ZFPM2: variants seen among roughly 807,000 people sequenced by gnomAD.
ZFPM2 encodes zinc finger protein ZFPM2.
In ZFPM2, 20 loss-of-function variants were observed where a neutral mutation model predicts 98.6. The ratio of observed to expected loss-of-function variants is 0.20; its 90% CI spans 0.14 to 0.29. ZFPM2 has a LOEUF of 0.29. Ranked by LOEUF, ZFPM2 falls within the 10% of genes least tolerant of loss-of-function variation. The pLI, the probability that ZFPM2 is intolerant of heterozygous loss-of-function variation, is 1.00. For missense variants in ZFPM2, 1,310 were observed against 1,388.6 expected (o/e 0.94, Z 0.90); for synonymous variants, 518 against 502.7 (o/e 1.03, Z -0.41).
intron 1 of ZFPM2, among the ~76,000 whole-genome samples, chr8:105,327,996 T>G (rs546885083): frequency 2.6e-4 from 39 of 151,924 alleles, no homozygotes; most frequent in African/African-American, 9.4e-4. Flanking sequence ...GTTTTTTCTT[T>G]TTAATAAAAC....
In ZFPM2 at chr8:105,801,599, A is replaced by G. The variant is rs758116433; in HGVS notation, c.1517A>G (p.Asp506Gly). The G allele has an allele frequency of 6.2e-7, 1 of 1,613,744 alleles. No individual in the cohort carries two copies. Reference sequence around the variant, plus strand: ...CTATCTCAGTTTTCTTTCCCCCAAGATATCACCATGGTCCCTCAAGCTTCA... The same window carrying G: ...CTATCTCAGTTTTCTTTCCCCCAAGGTATCACCATGGTCCCTCAAGCTTCA... Reference protein sequence around the residue: ...PFLSQFSFPQDITMVPQASEI... With the variant: ...PFLSQFSFPQGITMVPQASEI... The change falls in exon 8 of 8, where the codon GAT (aspartate) becomes GGT (glycine). Residue 506 changes from aspartate to glycine, a missense_variant. By Grantham distance (94) the Asp-to-Gly change is moderately conservative. Coordinates refer to ENST00000407775, the MANE Select transcript of ZFPM2 (RefSeq NM_012082.4).
intron 3 of ZFPM2, among the ~76,000 whole-genome samples, chr8:105,527,295 G>T (rs1440183287): frequency 6.6e-6 from 1 of 152,124 alleles, no homozygotes; most frequent in Non-Finnish European, 1.5e-5. Flanking sequence ...CTCTGCTTTG[G>T]CAAGGACGAC....
Position 105,318,851 on chromosome 8 carries a change from G to GGCA in ZFPM2, c.-89_-88insAGC, listed in dbSNP as rs1811959456. On this transcript the variant is annotated 5_prime_UTR_variant, in exon 1 of 8. Transcript: ENST00000407775. Reference sequence around the variant, plus strand: ...CGGCGGGCCGAGCCTGGCCAGCGGCGGCGGCGGCGGCGGCGGCGGCGGGAG... The same window carrying GGCA: ...CGGCGGGCCGAGCCTGGCCAGCGGCGGCAGCGGCGGCGGCGGCGGCGGCGGGAG... 4.1e-6 allele frequency: 3 copies of GGCA among 737,974 alleles called. No individual in the cohort carries two copies. Among genetic ancestry groups the GGCA allele is most frequent in the South Asian group, 6.5e-5 (1 of 15,426 alleles). 45.7% of individuals were successfully genotyped at this position (737,974 alleles called of 1,614,324 possible).
chr8:105,621,059 C>T (rs1481242563), intron 4 of ZFPM2, among the ~76,000 whole-genome samples: 2 of 152,120 alleles, frequency 1.3e-5, no homozygotes, highest in African/African-American at 4.8e-5. Context: ...TCTTCCAATT[C>T]TGTGAAGACA....
chr8:105,437,457 C>A (rs1812142686), intron 2 of ZFPM2, among the ~76,000 whole-genome samples: 1 of 151,438 alleles, frequency 6.6e-6, no homozygotes, highest in African/African-American at 2.4e-5. Context: ...TTCAATCAAC[C>A]CCTTAATAGG....
At chr8:105,610,684 C>T (rs1816291055) in intron 4 of ZFPM2, among the ~76,000 whole-genome samples, 1 of 152,010 alleles carries the variant, frequency 6.6e-6, no homozygotes, top group Non-Finnish European at 1.5e-5. Context: ...CATTTATTTT[C>T]AGAAGTGTCC....
chr8:105,376,529 T>C (rs1420324685), intron 1 of ZFPM2, among the ~76,000 whole-genome samples: 1 of 152,178 alleles, frequency 6.6e-6, no homozygotes, highest in African/African-American at 2.4e-5. Context: ...CTAACAAGCA[T>C]CTCAAATTTA....
rs948660131 is a variant in ZFPM2, at chr8:105,483,155, A to G, written c.301+38774A>G. On this transcript the variant is annotated intron_variant, in intron 3 of 7. Coordinates refer to ENST00000407775, the MANE Select transcript of ZFPM2 (RefSeq NM_012082.4). Reference sequence around the variant, plus strand: ...GGATTATAGGCATGAGCCACGGCACACAGCCTCCTGTAATTTCTTGAAATA... The same window carrying G: ...GGATTATAGGCATGAGCCACGGCACGCAGCCTCCTGTAATTTCTTGAAATA... Among the ~76,000 whole-genome samples, 10 of 151,918 alleles carry G rather than the reference A, an allele frequency of 6.6e-5. No individual in the cohort carries two copies. The South Asian group carries it at 1.0e-3, about 16-fold the overall frequency.
chr8:105,401,444 A>C (rs1329304537), intron 1 of ZFPM2, among the ~76,000 whole-genome samples: 1 of 152,110 alleles, frequency 6.6e-6, no homozygotes, highest in Admixed American at 6.6e-5. Context: ...TTTTTCTAAT[A>C]AATTTTCAAA....
Position 105,697,594 on chromosome 8 carries a change from C to A in ZFPM2, c.532+63237C>A, listed in dbSNP as rs1415212271. Among the ~76,000 whole-genome samples, 3 of 152,212 alleles carry A rather than the reference C, an allele frequency of 2.0e-5. No homozygotes were observed. In the East Asian group the frequency reaches 5.8e-4, roughly 29 times the overall value. On this transcript the variant is annotated intron_variant, in intron 5 of 7. Transcript: ENST00000407775. The stretch of plus-strand genomic sequence containing the variant: ...CCTTTAAACTTTTACTTCAAGCCCT[C>A]TTTAGCTTTATATTTACTCTGGTAT...
At chr8:105,435,062 A>G (rs982842304) in intron 2 of ZFPM2, among the ~76,000 whole-genome samples, 1 of 152,178 alleles carries the variant, frequency 6.6e-6, no homozygotes, top group Non-Finnish European at 1.5e-5. Context: ...TCTGTTTCAT[A>G]TGTTTCAAAG....
At chr8:105,772,606 C>T (rs1040575577) in intron 5 of ZFPM2, among the ~76,000 whole-genome samples, 8 of 152,096 alleles carry the variant, frequency 5.3e-5, no homozygotes, top group African/African-American at 1.9e-4. Flanking sequence ...TTTTCCTCCT[C>T]AGCACACATA....
chr8:105,779,032 G>T (rs1045147332), intron 5 of ZFPM2, among the ~76,000 whole-genome samples: 1 of 151,824 alleles, frequency 6.6e-6, no homozygotes, highest in African/African-American at 2.4e-5. Flanking sequence ...ACTTAATGGC[G>T]ATGCTATGCA....
chr8:105,380,449 C>G (rs567174437), intron 1 of ZFPM2, among the ~76,000 whole-genome samples: 17 of 148,910 alleles, frequency 1.1e-4, no homozygotes, highest in Non-Finnish European at 1.9e-4. Flanking sequence ...CACTGAATCT[C>G]ACTCACGATC....
intron 1 of ZFPM2, among the ~76,000 whole-genome samples, chr8:105,418,361 T>C (rs1463615593): frequency 6.6e-6 from 1 of 152,144 alleles, no homozygotes; most frequent in Non-Finnish European, 1.5e-5. Context: ...ATCAGCCCAG[T>C]GGTATTCCCA....
At chr8:105,594,775 T>G (rs1815933181) in intron 4 of ZFPM2, among the ~76,000 whole-genome samples, 1 of 152,122 alleles carries the variant, frequency 6.6e-6, no homozygotes, top group Non-Finnish European at 1.5e-5. Flanking sequence ...AGCACTCATG[T>G]TAATCATGAC....
In ZFPM2 at chr8:105,755,728, TA is replaced by T. The variant is rs1812582580; in HGVS notation, c.533-32983del. 2.0e-5 allele frequency among the ~76,000 whole-genome samples: 3 copies of T among 152,186 alleles called. No homozygotes were observed. The South Asian group carries it at 6.2e-4, about 32-fold the overall frequency. ...ATTATGTAACTAATACTGCCTTTTT[TA>T]AAAAAACAAGGGTTTCTAATTTTAT... On this transcript the variant is annotated intron_variant, in intron 5 of 7. Transcript: ENST00000407775.
At chr8:105,503,490 A>T (rs1365551629) in intron 3 of ZFPM2, among the ~76,000 whole-genome samples, 1 of 152,218 alleles carries the variant, frequency 6.6e-6, no homozygotes, top group Non-Finnish European at 1.5e-5. Flanking sequence ...ATGGAAAAAA[A>T]CAAGATAAAG....
chr8:105,451,324 T>C (rs1812480011), intron 3 of ZFPM2, among the ~76,000 whole-genome samples: 1 of 152,176 alleles, frequency 6.6e-6, no homozygotes, highest in Non-Finnish European at 1.5e-5. Flanking sequence ...CCCCCAAATA[T>C]ATGACAATTC....
Sources: gnomAD v4.1 joint callset for allele counts (sites outside exome capture counted in the v4.1 genomes callset) on GRCh38, gnomAD v4.1.1 for gene constraint, MANE v1.5 for transcripts, NCBI Gene and HGNC (gene_info 2026-07-23, HGNC 2026-07-21) for gene names.